Variants in TAOK3 observed in about 807,000 individuals in gnomAD.
TAOK3 encodes serine/threonine-protein kinase TAO3.
Under a neutral mutation model 120.4 loss-of-function variants are expected in TAOK3, and 40 were observed. The ratio of observed to expected loss-of-function variants is 0.33; its 90% confidence interval spans 0.26 to 0.43. The LOEUF (loss-of-function observed/expected upper bound fraction) is 0.43. Ranked by LOEUF, TAOK3 falls within the 20% of genes least tolerant of loss-of-function variation. The pLI, the probability that TAOK3 is intolerant of heterozygous loss-of-function variation, is 1.00. For missense variants in TAOK3, 821 were observed against 1,112.1 expected (o/e 0.74, Z 3.72); for synonymous variants, 355 against 387.5 (o/e 0.92, Z 0.99).
chr12:118,226,988 G>A (rs546217254), intron 9 of TAOK3, among the ~76,000 whole-genome samples: 6 of 151,892 alleles, frequency 4.0e-5, no homozygotes, highest in East Asian at 1.9e-4. Context: ...ATCATAAAAG[G>A]GTATATGTAG....
At chr12:118,277,519 G>A (rs1281604632) in intron 1 of TAOK3, among the ~76,000 whole-genome samples, 2 of 151,796 alleles carry the variant, frequency 1.3e-5, no homozygotes, top group Non-Finnish European at 2.9e-5. Flanking sequence ...GGAGTGCAGT[G>A]GCATGATCTC....
chr12:118,289,920 G>A (rs926374492), intron 1 of TAOK3, among the ~76,000 whole-genome samples: 10 of 149,770 alleles, frequency 6.7e-5, no homozygotes, highest in South Asian at 2.1e-4. Flanking sequence ...GCTTGAACCC[G>A]GGAATGTAGG....
At chr12:118,213,898 C>A in intron 10 of TAOK3, 119 bp downstream of exon 10, 1 of 847,542 alleles carries the variant, frequency 1.2e-6, no homozygotes, top group Non-Finnish European at 1.9e-6. Context: ...TCACTTGTAA[C>A]AACATACAGT....
intron 1 of TAOK3, among the ~76,000 whole-genome samples, chr12:118,279,582 A>ATTTT (rs1285001157): frequency 1.6e-5 from 2 of 121,294 alleles, no homozygotes; most frequent in South Asian, 2.6e-4. Context: ...TCTTGAGTTG[A>ATTTT]TTTTTTTTTT....
chr12:118,243,010 CCT>C (rs930947876), intron 5 of TAOK3, among the ~76,000 whole-genome samples: 29 of 151,586 alleles, frequency 1.9e-4, no homozygotes, highest in African/African-American at 6.8e-4. Flanking sequence ...TATGGTGGCC[CCT>C]GTTTGGTAAA....
intron 11 of TAOK3, among the ~76,000 whole-genome samples, chr12:118,208,306 G>C (rs2038440244): frequency 6.6e-6 from 1 of 152,124 alleles, no homozygotes; most frequent in Non-Finnish European, 1.5e-5. Context: ...TAAGTAGATA[G>C]CTTAGCTGGG....
chr12:118,350,424 A>G (rs1398580567), intron 1 of TAOK3, among the ~76,000 whole-genome samples: 1 of 152,218 alleles, frequency 6.6e-6, no homozygotes, highest in Non-Finnish European at 1.5e-5. Flanking sequence ...ACAAATATCC[A>G]TTATAGAGGT....
chr12:118,208,574 A>G (rs1008180450), intron 11 of TAOK3, among the ~76,000 whole-genome samples: 9 of 152,206 alleles, frequency 5.9e-5, no homozygotes, highest in African/African-American at 2.2e-4. Context: ...AAAGTTCAAA[A>G]AGTATCAGTC....
chr12:118,233,066 G>A (rs1387758522), intron 9 of TAOK3, among the ~76,000 whole-genome samples: 3 of 151,930 alleles, frequency 2.0e-5, no homozygotes, highest in African/African-American at 7.3e-5. Context: ...GGAATACTAT[G>A]CAGCCATAAA....
chr12:118,200,173 C>T (rs1367170158), intron 12 of TAOK3: 1 of 152,134 alleles, frequency 6.6e-6, no homozygotes, highest in Non-Finnish European at 1.5e-5. Flanking sequence ...TATATGCAAT[C>T]AAGAAATTTT....
chr12:118,301,066 G>A (rs1339039772), intron 1 of TAOK3, among the ~76,000 whole-genome samples: 2 of 152,186 alleles, frequency 1.3e-5, no homozygotes, highest in African/African-American at 4.8e-5. Flanking sequence ...GTGAGCCACT[G>A]CATCCTGCCT....
intron 1 of TAOK3, among the ~76,000 whole-genome samples, chr12:118,349,749 T>C (rs1312289305): frequency 2.0e-5 from 3 of 152,212 alleles, no homozygotes; most frequent in Non-Finnish European, 2.9e-5. Flanking sequence ...GTAAGTTTTA[T>C]ATCATAAAAT....
At chr12:118,154,710 G>C (rs1222335258) in intron 19 of TAOK3, among the ~76,000 whole-genome samples, 1 of 151,990 alleles carries the variant, frequency 6.6e-6, no homozygotes. Flanking sequence ...CAAAATACTG[G>C]GATTATAGGT....
intron 15 of TAOK3, 26 bp from the exon 16 acceptor site, chr12:118,177,355 G>A (rs772110329): frequency 1.2e-6 from 2 of 1,610,168 alleles, no homozygotes; most frequent in South Asian, 2.2e-5. Flanking sequence ...ATACAATGTA[G>A]GATGAATCTA....
At chr12:118,365,397 T>C (rs1327784673) in intron 1 of TAOK3, among the ~76,000 whole-genome samples, 1 of 151,668 alleles carries the variant, frequency 6.6e-6, no homozygotes, top group Non-Finnish European at 1.5e-5. Flanking sequence ...CACGCCCAGC[T>C]AATTTTTGTA....
chr12:118,288,408 T>C (rs1000666233), intron 1 of TAOK3, among the ~76,000 whole-genome samples: 1 of 151,990 alleles, frequency 6.6e-6, no homozygotes, highest in African/African-American at 2.4e-5. Context: ...AGTAGAGGAC[T>C]AGACAGTGAT....
intron 1 of TAOK3, among the ~76,000 whole-genome samples, chr12:118,306,082 C>T (rs940258360): frequency 1.3e-5 from 2 of 152,020 alleles, no homozygotes; most frequent in African/African-American, 4.8e-5. Context: ...GTCATTTTTT[C>T]TGGATACTCA....
chr12:118,254,045 G>A (rs1191191679), intron 3 of TAOK3, among the ~76,000 whole-genome samples: 1 of 152,146 alleles, frequency 6.6e-6, no homozygotes, highest in South Asian at 2.1e-4. Flanking sequence ...ACAGAGCGAG[G>A]CTCTGTCTCA....
At chr12:118,295,068 C>G (rs1474303332) in intron 1 of TAOK3, among the ~76,000 whole-genome samples, 3 of 146,366 alleles carry the variant, frequency 2.0e-5, no homozygotes, top group Non-Finnish European at 4.5e-5. Flanking sequence ...TTTTTTTTTT[C>G]TTTTGGAGAC....
Sources: gnomAD v4.1 joint callset for allele counts (sites outside exome capture counted in the v4.1 genomes callset) on GRCh38, gnomAD v4.1.1 for gene constraint, MANE v1.5 for transcripts, NCBI Gene and HGNC (gene_info 2026-07-23, HGNC 2026-07-21) for gene names.